SLA: variants seen among roughly 807,000 people sequenced by gnomAD.
SLA encodes the protein src-like-adapter.
Under a neutral mutation model 30.3 loss-of-function variants are expected in SLA, and 16 were observed. That is an observed-to-expected ratio of 0.53 (90% CI 0.36 to 0.80). SLA has a LOEUF of 0.80. SLA is among the 30% of genes least tolerant of loss of function. SLA has a pLI of 0.01. For missense variants in SLA, 310 were observed against 345.2 expected, an observed-to-expected ratio of 0.90 and a Z score of 0.81; for synonymous variants, 143 against 137.8, an observed-to-expected ratio of 1.04 and a Z score of -0.26.
chr8:133,098,222 G>GCTT (rs1848725133), intron 1 of SLA, among the ~76,000 whole-genome samples: 2 of 152,154 alleles, frequency 1.3e-5, no homozygotes, highest in African/African-American at 4.8e-5. Flanking sequence ...TCCTCAAGTT[G>GCTT]CTTCTGATCA....
Position 133,060,111 on chromosome 8 carries a change from G to T in SLA, c.50C>A (p.Pro17His). 1 of 1,605,484 alleles carries T rather than the reference G, an allele frequency of 6.2e-7. No homozygotes were observed. The highest frequency in any genetic ancestry group is 8.5e-7 in the Non-Finnish European group (1 of 1,177,456). The part of the protein sequence containing the change: ...STPAPAERPL[P>H]NPEGLDSDFL... ...GAAGCCAGACTTACCCTCCGGGTTG[G>T]GCAGGGGCCTCTCGGCAGGCGCAGG... The change falls in exon 3 of 9, where the codon CCC becomes CAC. Residue 17 changes from proline (P) to histidine (H), a missense_variant. By Grantham distance (77) the Pro-to-His change is moderately conservative. Transcript: ENST00000338087.
At chr8:133,087,167 CT>C (rs1319574505) in intron 1 of SLA, among the ~76,000 whole-genome samples, 3 of 151,118 alleles carry the variant, frequency 2.0e-5, no homozygotes, top group African/African-American at 4.9e-5. Context: ...CAGTGGTTTT[CT>C]TTGATTGGGA....
At chr8:133,090,508 A>G (rs1847322917) in intron 1 of SLA, among the ~76,000 whole-genome samples, 1 of 152,256 alleles carries the variant, frequency 6.6e-6, no homozygotes. Context: ...CTTTGCATGT[A>G]GAGGCACTTT....
chr8:133,090,800 G>A (rs1186307153), intron 1 of SLA, among the ~76,000 whole-genome samples: 1 of 152,180 alleles, frequency 6.6e-6, no homozygotes, highest in Non-Finnish European at 1.5e-5. Flanking sequence ...GCCATGGGCA[G>A]AGCTGGAATT....
rs145989237 is a variant in SLA at position 133,070,212 on chromosome 8, C to T, written c.-41+4641G>A. Among the ~76,000 whole-genome samples the T allele has an allele frequency of 2.6e-5, 4 of 152,066 alleles. No homozygotes were observed. The East Asian group carries it at 7.7e-4, about 29-fold the overall frequency. On this transcript the variant is annotated intron_variant, in intron 2 of 8. Transcript: ENST00000338087. ...TCCCACCATGCTGACTTCCAGTTTC[C>T]AGTGTGACATCTCTGAGGACGGAGT...
chr8:133,043,400 A>G (rs1044491146), intron 7 of SLA, among the ~76,000 whole-genome samples: 2 of 152,146 alleles, frequency 1.3e-5, no homozygotes, highest in Admixed American at 1.3e-4. Flanking sequence ...CTCATAACCA[A>G]TATAAGTTGG....
chr8:133,051,214 C>T (rs911711794), intron 3 of SLA, among the ~76,000 whole-genome samples: 10 of 152,120 alleles, frequency 6.6e-5, no homozygotes, highest in East Asian at 3.8e-4. Context: ...CTGGCTTCAG[C>T]GCCTGTTACG....
At chr8:133,045,202 GGAGA>G in intron 6 of SLA, 87 bp from the exon 7 acceptor site, 9 of 1,437,940 alleles carry the variant, frequency 6.3e-6, no homozygotes, top group South Asian at 1.2e-5. Context: ...ACTGAGGCAG[GGAGA>G]CCTGCCCACC....
At chr8:133,040,280 CA>C (rs1480425583) in intron 7 of SLA, 150 bp from the exon 8 acceptor site, 2 of 830,076 alleles carry the variant, frequency 2.4e-6, no homozygotes, top group Non-Finnish European at 3.7e-6. Flanking sequence ...TAGGTGGTGA[CA>C]ATGCTGAAAG....
chr8:133,089,195 C>G (rs1229326603), intron 1 of SLA, among the ~76,000 whole-genome samples: 1 of 152,228 alleles, frequency 6.6e-6, no homozygotes, highest in African/African-American at 2.4e-5. Context: ...CAGTCCATCC[C>G]ACAGTCAACT....
chr8:133,088,256 GCTCCTC>G (rs5895174), intron 1 of SLA, among the ~76,000 whole-genome samples: 5 of 151,352 alleles, frequency 3.3e-5, no homozygotes, highest in East Asian at 3.9e-4. Flanking sequence ...CTCCCCTCCT[GCTCCTC>G]CTCCTCCTCC....
At chr8:133,074,143 C>T (rs1844506609) in intron 2 of SLA, among the ~76,000 whole-genome samples, 1 of 152,196 alleles carries the variant, frequency 6.6e-6, no homozygotes, top group African/African-American at 2.4e-5. Flanking sequence ...TCTCTTCCAA[C>T]TCTAACATGC....
At chr8:133,091,588 G>C (rs1198734244) in intron 1 of SLA, among the ~76,000 whole-genome samples, 1 of 152,094 alleles carries the variant, frequency 6.6e-6, no homozygotes, top group African/African-American at 2.4e-5. Context: ...GTGTGTATGT[G>C]TCTGAGTGTG....
intron 2 of SLA, chr8:133,064,176 T>C (rs1459007418): frequency 6.6e-6 from 1 of 152,252 alleles, no homozygotes; most frequent in East Asian, 1.9e-4. Context: ...CTTGGTTTCC[T>C]GTTCTGAAAA....
At chr8:133,071,847 G>A (rs1410842692) in intron 2 of SLA, among the ~76,000 whole-genome samples, 1 of 152,054 alleles carries the variant, frequency 6.6e-6, no homozygotes, top group African/African-American at 2.4e-5. Context: ...CTGCTCCCAG[G>A]GCAACTTTCT....
At chr8:133,081,461 C>T (rs1323372322) in intron 1 of SLA, among the ~76,000 whole-genome samples, 1 of 152,200 alleles carries the variant, frequency 6.6e-6, no homozygotes. Context: ...TCTGGAACAT[C>T]TCCAAAGTTG....
At chr8:133,073,827 C>T (rs569096024) in intron 2 of SLA, among the ~76,000 whole-genome samples, 12 of 152,268 alleles carry the variant, frequency 7.9e-5, no homozygotes, top group South Asian at 4.1e-4. Flanking sequence ...CCACCAGCTC[C>T]GTGACTTGGA....
chr8:133,068,579 C>G (rs1212319477), intron 2 of SLA, among the ~76,000 whole-genome samples: 1 of 152,084 alleles, frequency 6.6e-6, no homozygotes, highest in African/African-American at 2.4e-5. Flanking sequence ...CCTGGGTGTT[C>G]TCATGGAAGG....
intron 1 of SLA, among the ~76,000 whole-genome samples, chr8:133,100,944 A>C (rs2131683679): frequency 6.7e-6 from 1 of 149,112 alleles, no homozygotes; most frequent in South Asian, 2.1e-4. Context: ...GGGAACCATG[A>C]ACCAGTATTT....
Sources: allele counts gnomAD v4.1 joint callset (sites outside exome capture counted in the v4.1 genomes callset), GRCh38; gene constraint gnomAD v4.1.1; transcripts MANE v1.5; gene names NCBI Gene and HGNC (gene_info 2026-07-23, HGNC 2026-07-21).